Variants in KCNK13 observed in about 807,000 individuals in gnomAD.
The protein encoded by KCNK13 is potassium two pore domain channel subfamily K member 13.
KCNK13 carries 12 observed loss-of-function variants against 23.4 expected under a neutral mutation model. That is an observed-to-expected ratio of 0.51 (90% CI 0.33 to 0.83). The LOEUF (loss-of-function observed/expected upper bound fraction) is 0.83. KCNK13 is among the 40% of genes least tolerant of loss of function. The pLI is 0.02. For missense variants in KCNK13, 463 were observed against 556.3 expected (o/e 0.83, Z 1.69); for synonymous variants, 231 against 229.5 (o/e 1.01, Z -0.06).
chr14:90,181,691 A>G (rs1000419518), intron 1 of KCNK13, among the ~76,000 whole-genome samples: 4 of 152,160 alleles, frequency 2.6e-5, no homozygotes, highest in African/African-American at 9.7e-5. Context: ...CAGCTTTCTG[A>G]GAGTAGAATG....
intron 1 of KCNK13, among the ~76,000 whole-genome samples, chr14:90,148,562 G>T (rs1026574052): frequency 6.6e-6 from 1 of 152,190 alleles, no homozygotes; most frequent in African/African-American, 2.4e-5. Context: ...AAGAGGGGCA[G>T]GGTAGGCAAA....
At chr14:90,174,753 C>G (rs2140445743) in intron 1 of KCNK13, among the ~76,000 whole-genome samples, 1 of 152,166 alleles carries the variant, frequency 6.6e-6, no homozygotes, top group East Asian at 1.9e-4. Context: ...ACGTAGGAGG[C>G]TGAGGCAAGA....
rs1461504067 is a variant in KCNK13 at position 90,062,278 on chromosome 14, G to A, written c.73G>A (p.Ala25Thr). The A allele has an allele frequency of 1.3e-6, 2 of 1,558,560 alleles. No homozygotes were observed. Among genetic ancestry groups the A allele is most frequent in the East Asian group, 2.4e-5 (1 of 41,880 alleles). The change falls in exon 1 of 2, where the codon GCG becomes ACG. Residue 25 changes from alanine to threonine, a missense_variant. Coordinates refer to ENST00000282146, the MANE Select transcript of KCNK13 (RefSeq NM_022054.4). This position sits in a 1 kb window ranked among gnomAD's most constrained non-coding sequence, Gnocchi z 4.5. The stretch of plus-strand genomic sequence containing the variant: ...CAACGCGCGCTTTCTGCTGCTGGCC[G>A]CGCTCATCGTGCTCTACCTGCTGGG... ...EDNARFLLLA[A>T]LIVLYLLGGA... is the part of the protein sequence containing the mutation.
intron 1 of KCNK13, among the ~76,000 whole-genome samples, chr14:90,087,322 T>A (rs1036000481): frequency 6.6e-6 from 1 of 151,810 alleles, no homozygotes; most frequent in Admixed American, 6.6e-5. Flanking sequence ...ACATTTAATG[T>A]GTCGCACATT....
At chr14:90,148,064 G>A (rs1178251609) in intron 1 of KCNK13, among the ~76,000 whole-genome samples, 1 of 152,162 alleles carries the variant, frequency 6.6e-6, no homozygotes, top group East Asian at 1.9e-4. Flanking sequence ...TCGGGAGGCT[G>A]AGGCATGAGG....
chr14:90,170,622 G>A (rs1156909256), intron 1 of KCNK13, among the ~76,000 whole-genome samples: 1 of 152,172 alleles, frequency 6.6e-6, no homozygotes, highest in African/African-American at 2.4e-5. Context: ...TAAAGGGGAA[G>A]GGCGGGATAT....
In KCNK13 at chr14:90,145,552, G is replaced by A. The variant is rs939469884; in HGVS notation, c.335-38559G>A. On this transcript the variant is annotated intron_variant, in intron 1 of 1. Coordinates refer to ENST00000282146, the MANE Select transcript of KCNK13 (RefSeq NM_022054.4). ...ATGAGAGATACTAGTATGTACTTTT[G>A]TCTTTTTTTTCTTTATGTTGGAGTA... is the stretch of plus-strand genomic sequence containing the variant. 2.0e-5 allele frequency among the ~76,000 whole-genome samples: 3 copies of A among 150,504 alleles called. No homozygotes were observed. In the South Asian group the frequency reaches 6.5e-4, roughly 33 times the overall value.
chr14:90,075,056 G>T (rs953357774), intron 1 of KCNK13, among the ~76,000 whole-genome samples: 3 of 151,026 alleles, frequency 2.0e-5, no homozygotes, highest in Non-Finnish European at 4.4e-5. Flanking sequence ...TTTTATCTTT[G>T]TAGGGAAATT....
chr14:90,096,748 T>C (rs1483675705), intron 1 of KCNK13, among the ~76,000 whole-genome samples: 1 of 152,210 alleles, frequency 6.6e-6, no homozygotes, highest in African/African-American at 2.4e-5. Flanking sequence ...CAGCAAGAAT[T>C]GGCAGCCATT....
intron 1 of KCNK13, among the ~76,000 whole-genome samples, chr14:90,068,321 G>A (rs893931074): frequency 1.3e-5 from 2 of 151,980 alleles, no homozygotes; most frequent in East Asian, 1.9e-4. Context: ...TGGGCCCAGC[G>A]GGGTGGCTCA....
At chr14:90,073,212 A>C (rs1889096448) in intron 1 of KCNK13, among the ~76,000 whole-genome samples, 1 of 152,204 alleles carries the variant, frequency 6.6e-6, no homozygotes, top group Non-Finnish European at 1.5e-5. Flanking sequence ...CTAAGAAGAC[A>C]GAAGTGGTCT....
At chr14:90,183,529 C>T (rs1345432008) in intron 1 of KCNK13, among the ~76,000 whole-genome samples, 1 of 152,148 alleles carries the variant, frequency 6.6e-6, no homozygotes, top group Admixed American at 6.5e-5. Context: ...CTTAGGAGTT[C>T]CCATAGAATC....
chr14:90,128,096 G>A (rs1889824176), intron 1 of KCNK13, among the ~76,000 whole-genome samples: 1 of 152,154 alleles, frequency 6.6e-6, no homozygotes. Flanking sequence ...TCTGCCCATG[G>A]AAATAAAAAA....
At chr14:90,142,517 A>G (rs1890021306) in intron 1 of KCNK13, among the ~76,000 whole-genome samples, 1 of 151,522 alleles carries the variant, frequency 6.6e-6, no homozygotes, top group African/African-American at 2.4e-5. Context: ...ATGGGGTTTC[A>G]TCGTGTTAGC....
chr14:90,094,645 C>CT (rs778654067), intron 1 of KCNK13, among the ~76,000 whole-genome samples: 4,461 of 111,480 alleles, frequency 0.04, 210 homozygotes, highest in African/African-American at 0.1. Context: ...TCTTTTTTTT[C>CT]TTTTTTTTTT....
At chr14:90,063,014 G>GA (rs1555400800) in intron 1 of KCNK13, among the ~76,000 whole-genome samples, 10 of 152,240 alleles carry the variant, frequency 6.6e-5, no homozygotes, top group African/African-American at 1.9e-4. Flanking sequence ...CACTTACCGA[G>GA]AAAAAATCAG....
chr14:90,159,949 GT>G lies in KCNK13; in HGVS notation c.335-24161del, dbSNP rs1890234893. 2.4e-4 allele frequency among the ~76,000 whole-genome samples: 4 copies of G among 16,964 alleles called. 1 individual carries two copies. The highest frequency in any genetic ancestry group is 5.4e-4 in the African/African-American group (4 of 7,428). 11.1% of individuals were successfully genotyped at this position (16,964 alleles called of 152,430 possible). A position where few individuals can be genotyped will look rare whatever the true frequency, so the allele number is the denominator to read the frequency against. ...TTAATAATCGTGTGTGTGTAGGGGT[GT>G]GTGTGTGTGTGTGTGTGTGTGTGTG... is the stretch of plus-strand genomic sequence containing the variant. On this transcript the variant is annotated intron_variant, in intron 1 of 1. Transcript: ENST00000282146.
chr14:90,134,469 G>A, intron 1 of KCNK13, among the ~76,000 whole-genome samples: 1 of 152,128 alleles, frequency 6.6e-6, no homozygotes, highest in East Asian at 1.9e-4. Flanking sequence ...TTGGACATAG[G>A]TAGGAATTTT....
chr14:90,110,392 A>C (rs140391644), intron 1 of KCNK13, among the ~76,000 whole-genome samples: 4 of 151,714 alleles, frequency 2.6e-5, no homozygotes, highest in African/African-American at 9.7e-5. Context: ...GGCACCTGTA[A>C]TCCCAGCTAC....
Sources: allele counts gnomAD v4.1 joint callset (sites outside exome capture counted in the v4.1 genomes callset), GRCh38; gene constraint gnomAD v4.1.1; non-coding constraint Gnocchi (gnomAD v3.1); transcripts MANE v1.5; gene names NCBI Gene and HGNC (gene_info 2026-07-23, HGNC 2026-07-21).